The following LMLN variants were observed in gnomAD, a reference collection of about 807,000 sequenced individuals.
LMLN encodes leishmanolysin-like peptidase.
Under a neutral mutation model 92.3 loss-of-function variants are expected in LMLN, and 70 were observed. The observed-to-expected ratio is 0.76, with a 90% confidence interval of 0.63 to 0.92. The LOEUF (loss-of-function observed/expected upper bound fraction) is 0.92, where lower values mean the gene tolerates loss of function less well. LMLN is among the 40% of genes least tolerant of loss of function. The probability of loss-of-function intolerance (pLI) is 0.00; values close to 1 mark genes in which losing one functional copy is unlikely to be tolerated. For missense variants in LMLN, 691 were observed against 814.6 expected, an observed-to-expected ratio of 0.85 and a Z score of 1.85; for synonymous variants, 308 against 296.2, an observed-to-expected ratio of 1.04 and a Z score of -0.41.
At chr3:198,006,779 C>A (rs1402018627) in intron 11 of LMLN, among the ~76,000 whole-genome samples, 1 of 151,790 alleles carries the variant, frequency 6.6e-6, no homozygotes, top group African/African-American at 2.4e-5. Flanking sequence ...GTGGCGCGAT[C>A]TTGGCTCACT....
At chr3:198,040,507 A>T (rs1459234559) in exon 16 of LMLN, 6 of 151,700 alleles carry the variant, frequency 4.0e-5, no homozygotes, top group African/African-American at 1.5e-4. Flanking sequence ...TGGCATTCTA[A>T]CCACAACCCT....
intron 9 of LMLN, among the ~76,000 whole-genome samples, chr3:197,992,980 A>G (rs1168259708): frequency 1.3e-5 from 2 of 152,360 alleles, no homozygotes; most frequent in African/African-American, 4.8e-5. Flanking sequence ...ATGGCTGAAC[A>G]TAGCAAATCA....
chr3:198,007,131 T>C (rs1277914788), intron 11 of LMLN, among the ~76,000 whole-genome samples: 1 of 152,232 alleles, frequency 6.6e-6, no homozygotes, highest in Non-Finnish European at 1.5e-5. Context: ...TCCCAGTACA[T>C]AGCTTGTCTT....
intron 11 of LMLN, among the ~76,000 whole-genome samples, chr3:198,017,204 A>T (rs979325456): frequency 6.6e-6 from 1 of 152,224 alleles, no homozygotes; most frequent in African/African-American, 2.4e-5. Context: ...TGTCACAGTC[A>T]TTCAAATGTC....
chr3:197,986,589 A>T (rs1721713762), intron 8 of LMLN, among the ~76,000 whole-genome samples: 1 of 152,236 alleles, frequency 6.6e-6, no homozygotes, highest in Admixed American at 6.5e-5. Flanking sequence ...ATGAATGATA[A>T]AGAGAGATTG....
intron 10 of LMLN, among the ~76,000 whole-genome samples, chr3:197,997,016 C>CTTTCT (rs781458174): frequency 0.073 from 10,895 of 149,318 alleles, 479 homozygotes; most frequent in African/African-American, 0.12. Context: ...TTTTCTTTTC[C>CTTTCT]TTTCTTTTCT....
At chr3:198,006,549 C>T (rs1722298954) in intron 11 of LMLN, among the ~76,000 whole-genome samples, 1 of 152,144 alleles carries the variant, frequency 6.6e-6, no homozygotes, top group Admixed American at 6.5e-5. Context: ...CACATCTTTG[C>T]CAGCATTTGG....
At chr3:197,992,405 T>G (rs1308031501) in intron 9 of LMLN, among the ~76,000 whole-genome samples, 1 of 152,168 alleles carries the variant, frequency 6.6e-6, no homozygotes, top group Non-Finnish European at 1.5e-5. Context: ...GTGACCAACC[T>G]TTAGTTAGAC....
chr3:197,979,055 C>T (rs1458011883), intron 5 of LMLN, among the ~76,000 whole-genome samples: 1 of 152,122 alleles, frequency 6.6e-6, no homozygotes, highest in Non-Finnish European at 1.5e-5. Flanking sequence ...TGTCATTAAC[C>T]ATAGTCACTG....
exon 1 of LMLN, chr3:197,960,345 C>T: frequency 6.2e-7 from 1 of 1,613,974 alleles, no homozygotes; most frequent in Non-Finnish European, 8.5e-7. Flanking sequence ...AAGCGTTTTA[C>T]TCCTGTTGGG....
At chr3:198,002,854 C>T (rs1206421347) in intron 11 of LMLN, among the ~76,000 whole-genome samples, 161 bp from the exon 12 acceptor site, 2 of 152,208 alleles carry the variant, frequency 1.3e-5, no homozygotes, top group African/African-American at 2.4e-5. Flanking sequence ...AGTCCCTGTG[C>T]GGCAAGAACG....
At chr3:197,987,930 A>G (rs2109878286) in intron 8 of LMLN, among the ~76,000 whole-genome samples, 1 of 152,124 alleles carries the variant, frequency 6.6e-6, no homozygotes, top group South Asian at 2.1e-4. Flanking sequence ...GGTTTTAGCC[A>G]TTTGCATTTT....
At chr3:197,976,040 C>A in exon 4 of LMLN, 1 of 1,589,626 alleles carries the variant, frequency 6.3e-7, no homozygotes, top group Non-Finnish European at 8.6e-7. Context: ...ACAAGCTTTT[C>A]CCACAAGCGA....
At chr3:197,982,042 G>A (rs932443016) in intron 6 of LMLN, among the ~76,000 whole-genome samples, 9 of 152,068 alleles carry the variant, frequency 5.9e-5, no homozygotes, top group African/African-American at 2.2e-4. Context: ...CTGACCTCAG[G>A]TGATCTGCCT....
intron 1 of LMLN, among the ~76,000 whole-genome samples, chr3:197,961,323 G>A (rs73894233): frequency 1.4e-3 from 214 of 152,284 alleles, no homozygotes; most frequent in African/African-American, 4.7e-3. Context: ...TTGAGAAAGG[G>A]AGAGTACCTG....
chr3:198,029,097 C>T (rs1303427502), intron 14 of LMLN, among the ~76,000 whole-genome samples: 1 of 152,224 alleles, frequency 6.6e-6, no homozygotes, highest in Non-Finnish European at 1.5e-5. Flanking sequence ...GCACTGGTCC[C>T]AGTCTCTCTA....
chr3:198,038,637 G>T (rs780370921), exon 16 of LMLN: 11 of 1,613,752 alleles, frequency 6.8e-6, no homozygotes, highest in Non-Finnish European at 9.3e-6. Context: ...TTCCTCTGCT[G>T]GCTGGATTTC....
intron 1 of LMLN, among the ~76,000 whole-genome samples, chr3:197,965,836 G>T (rs980345529): frequency 6.6e-6 from 1 of 152,130 alleles, no homozygotes; most frequent in Non-Finnish European, 1.5e-5. Flanking sequence ...AATCACTTGA[G>T]CCCAGGAGGT....
intron 11 of LMLN, among the ~76,000 whole-genome samples, chr3:198,002,687 G>A (rs918868184): frequency 1.3e-5 from 2 of 152,204 alleles, no homozygotes; most frequent in Admixed American, 1.3e-4. Context: ...GTAGTGAGCT[G>A]GGATCGTGCC....
Sources: gnomAD v4.1 joint callset for allele counts (sites outside exome capture counted in the v4.1 genomes callset) on GRCh38, gnomAD v4.1.1 for gene constraint, MANE v1.5 for transcripts, NCBI Gene and HGNC (gene_info 2026-07-23, HGNC 2026-07-21) for gene names.